Variants in GSTCD observed in about 807,000 individuals in gnomAD.
The protein encoded by GSTCD is glutathione S-transferase C-terminal domain containing.
Under a neutral mutation model 68.3 loss-of-function variants are expected in GSTCD, and 44 were observed. The observed-to-expected ratio is 0.64, with a 90% CI of 0.51 to 0.83. GSTCD has a LOEUF of 0.83. Ranked by LOEUF, GSTCD falls within the 40% of genes least tolerant of loss-of-function variation. The pLI is 0.00. For synonymous variants in GSTCD, 273 were observed against 255.2 expected (o/e 1.07, Z -0.67); for missense variants, 739 against 735.9 (o/e 1.00, Z -0.05).
intron 5 of GSTCD, among the ~76,000 whole-genome samples, chr4:105,808,435 A>G (rs1354675347): frequency 6.6e-6 from 1 of 151,968 alleles, no homozygotes; most frequent in African/African-American, 2.4e-5. Context: ...ACTTCTCACT[A>G]CCTCCACTGC....
chr4:105,755,101 T>G (rs1001005929), intron 5 of GSTCD, among the ~76,000 whole-genome samples: 3 of 140,238 alleles, frequency 2.1e-5, no homozygotes, highest in Non-Finnish European at 3.0e-5. Context: ...AAAAAAAAAT[T>G]AGCTGGTGTG....
chr4:105,819,689 G>A (rs539256497), intron 5 of GSTCD, among the ~76,000 whole-genome samples: 55 of 151,732 alleles, frequency 3.6e-4, no homozygotes, highest in African/African-American at 1.0e-3. Context: ...TGTGGTTGTC[G>A]TCTTCCCTCT....
chr4:105,718,269 G>T (rs985735637), intron 2 of GSTCD, among the ~76,000 whole-genome samples: 3 of 152,210 alleles, frequency 2.0e-5, no homozygotes, highest in African/African-American at 7.2e-5. Flanking sequence ...CTGGTAGGAG[G>T]TGTTTGGGTC....
chr4:105,772,807 C>T (rs1012609327), intron 5 of GSTCD, among the ~76,000 whole-genome samples: 2 of 151,910 alleles, frequency 1.3e-5, no homozygotes, highest in Non-Finnish European at 2.9e-5. Flanking sequence ...TGGATATTAG[C>T]CTGAAGTTTT....
Position 105,825,696 on chromosome 4 carries a change from T to C in GSTCD, c.1426T>C (p.Leu476=). The C allele has an allele frequency of 6.6e-7, 1 of 1,508,978 alleles. No individual in the cohort carries two copies. The allele number at this position is 1,508,978 out of a possible 1,614,324, so 93.5% of individuals were successfully genotyped here. A position where few individuals can be genotyped will look rare whatever the true frequency, so the allele number is the denominator to read the frequency against. ...GGTTACATTAATAGAAAACAAGGAA[T>C]TATCATTAATTCGTGCTAAGAAGAG... ...CQVTLIENKE[L]SLIRAKKRSD... The change falls in exon 8 of 12, where the codon TTA becomes CTA. Residue 476 remains leucine, a synonymous_variant. Coordinates refer to ENST00000515279, the MANE Select transcript of GSTCD (RefSeq NM_001370181.1).
chr4:105,753,126 C>T (rs930204283), intron 5 of GSTCD: 2 of 151,866 alleles, frequency 1.3e-5, no homozygotes, highest in South Asian at 4.2e-4. Flanking sequence ...ATCCTGGATA[C>T]CATAATAAAA....
At chr4:105,774,934 A>T (rs771034457) in intron 5 of GSTCD, among the ~76,000 whole-genome samples, 11 of 152,150 alleles carry the variant, frequency 7.2e-5, no homozygotes, top group Non-Finnish European at 1.5e-4. Flanking sequence ...CTCCTGGATA[A>T]TATCCCAAGG....
chr4:105,773,560 C>T (rs1578462038), intron 5 of GSTCD, among the ~76,000 whole-genome samples: 1 of 152,186 alleles, frequency 6.6e-6, no homozygotes, highest in East Asian at 1.9e-4. Flanking sequence ...TACATTGTGC[C>T]TTTTTTCTCA....
chr4:105,740,617 G>A (rs1271708566), intron 5 of GSTCD, among the ~76,000 whole-genome samples: 3 of 152,014 alleles, frequency 2.0e-5, no homozygotes, highest in Admixed American at 6.6e-5. Context: ...TTCTTTAAAC[G>A]TTTTTTCATC....
At chr4:105,770,707 C>CT (rs1238323822) in intron 5 of GSTCD, among the ~76,000 whole-genome samples, 4 of 152,088 alleles carry the variant, frequency 2.6e-5, no homozygotes, top group African/African-American at 9.7e-5. Context: ...TGAACTCATC[C>CT]TTTTTTATGG....
chr4:105,715,441 A>G (rs114256679), intron 1 of GSTCD, among the ~76,000 whole-genome samples: 6,772 of 152,234 alleles, frequency 0.044, 210 homozygotes, highest in Middle Eastern at 0.13. Flanking sequence ...CTTTTACAGT[A>G]TATAAAATAA....
At chr4:105,735,638 C>T (rs536753823) in intron 5 of GSTCD, among the ~76,000 whole-genome samples, 1 of 152,104 alleles carries the variant, frequency 6.6e-6, no homozygotes, top group African/African-American at 2.4e-5. Context: ...GAGGCGATGC[C>T]TCACCCTGCT....
intron 5 of GSTCD, among the ~76,000 whole-genome samples, chr4:105,733,530 T>C (rs1471074243): frequency 6.6e-6 from 1 of 152,126 alleles, no homozygotes; most frequent in Admixed American, 6.6e-5. Context: ...TATTGTTTTC[T>C]GTTTGCTTGG....
intron 5 of GSTCD, among the ~76,000 whole-genome samples, chr4:105,766,912 T>TTTTTTTTTTTTTTTTTTTC (rs70941216): frequency 7.1e-6 from 1 of 141,686 alleles, no homozygotes; most frequent in African/African-American, 2.9e-5. Context: ...TTTTTTTTTT[T>TTTTTTTTTTTTTTTTTTTC]ACCAGATTGC....
intron 5 of GSTCD, among the ~76,000 whole-genome samples, chr4:105,760,841 A>AT (rs916013096): frequency 6.6e-6 from 1 of 151,980 alleles, no homozygotes; most frequent in Non-Finnish European, 1.5e-5. Flanking sequence ...GTTAAAATCT[A>AT]TTTTTTTAAA....
intron 5 of GSTCD, among the ~76,000 whole-genome samples, chr4:105,772,957 G>A (rs1019989351): frequency 7.2e-5 from 11 of 152,112 alleles, no homozygotes; most frequent in Admixed American, 7.2e-4. Context: ...TGTACCTCTG[G>A]TAGAATTCGG....
At chr4:105,771,880 A>G (rs1344627398) in intron 5 of GSTCD, among the ~76,000 whole-genome samples, 1 of 152,150 alleles carries the variant, frequency 6.6e-6, no homozygotes, top group Admixed American at 6.5e-5. Flanking sequence ...TATGAACTTT[A>G]AAGTAGTTTT....
chr4:105,751,149 A>G (rs542312042), intron 5 of GSTCD, among the ~76,000 whole-genome samples: 4 of 152,314 alleles, frequency 2.6e-5, no homozygotes, highest in Admixed American at 2.0e-4. Flanking sequence ...ATGATTTCCT[A>G]GTTTTGCTAT....
In GSTCD at chr4:105,731,224, G is replaced by A. The variant is rs188961975; in HGVS notation, c.1240+1725G>A. Among the ~76,000 whole-genome samples, 90 of 152,118 alleles carry A rather than the reference G, an allele frequency of 5.9e-4. No individual in the cohort carries two copies. The East Asian group carries it at 0.016, about 27-fold the overall frequency. Reference sequence around the variant, plus strand: ...GTCTTGGCAATGCGGGCTCTTTTTTGGTTCCATATGAACTTTAAAGTAGTT... The same window carrying A: ...GTCTTGGCAATGCGGGCTCTTTTTTAGTTCCATATGAACTTTAAAGTAGTT... On this transcript the variant is annotated intron_variant, in intron 5 of 11. Coordinates refer to ENST00000515279, the MANE Select transcript of GSTCD (RefSeq NM_001370181.1).
Sources: gnomAD v4.1 joint callset for allele counts (sites outside exome capture counted in the v4.1 genomes callset) on GRCh38, gnomAD v4.1.1 for gene constraint, MANE v1.5 for transcripts, NCBI Gene and HGNC (gene_info 2026-07-23, HGNC 2026-07-21) for gene names.